The following ZNHIT6 variants were observed in gnomAD, a reference collection of about 807,000 sequenced individuals.
ZNHIT6 encodes the protein box C/D snoRNA protein 1.
Under a neutral mutation model 57.2 loss-of-function variants are expected in ZNHIT6, and 45 were observed. That is an observed-to-expected ratio of 0.79 (90% CI 0.62 to 1.01). ZNHIT6 has a LOEUF of 1.01. Ranked by LOEUF, ZNHIT6 falls within the 50% of genes least tolerant of loss-of-function variation. ZNHIT6 has a pLI of 0.00. For missense variants in ZNHIT6, 528 were observed against 567.3 expected, an observed-to-expected ratio of 0.93 and a Z score of 0.70; for synonymous variants, 188 against 190.0, an observed-to-expected ratio of 0.99 and a Z score of 0.09.
chr1:85,670,184 G>A (rs1661518483), intron 8 of ZNHIT6, among the ~76,000 whole-genome samples: 2 of 152,070 alleles, frequency 1.3e-5, no homozygotes, highest in Admixed American at 6.5e-5. Context: ...ACTACAGCCA[G>A]GAGGCCAAAT....
chr1:85,693,195 C>T (rs568920546), intron 5 of ZNHIT6, among the ~76,000 whole-genome samples: 48 of 152,242 alleles, frequency 3.2e-4, no homozygotes, highest in Non-Finnish European at 5.7e-4. Context: ...AAATTGGGTC[C>T]ATTTCTGAGG....
At chr1:85,667,961 A>ATATATATATATAT (rs1394453372) in intron 8 of ZNHIT6, among the ~76,000 whole-genome samples, 1 of 18,202 alleles carries the variant, frequency 5.5e-5, no homozygotes, top group Non-Finnish European at 9.9e-5. Context: ...AAAAAAAAAA[A>ATATATATATATAT]ATATATATAT....
At chr1:85,685,126 C>T (rs775177890) in intron 5 of ZNHIT6, among the ~76,000 whole-genome samples, 7 of 152,030 alleles carry the variant, frequency 4.6e-5, no homozygotes, top group Non-Finnish European at 8.8e-5. Context: ...TTCATAAAAG[C>T]TATAAATAAA....
chr1:85,691,235 T>A (rs535286503), intron 5 of ZNHIT6, among the ~76,000 whole-genome samples: 43 of 152,252 alleles, frequency 2.8e-4, no homozygotes, highest in Non-Finnish European at 5.3e-4. Flanking sequence ...TAAAATTTGT[T>A]ATGTTTAATA....
chr1:85,672,475 T>C (rs1661584241), intron 8 of ZNHIT6, among the ~76,000 whole-genome samples: 1 of 152,218 alleles, frequency 6.6e-6, no homozygotes, highest in South Asian at 2.1e-4. Context: ...TGACATACCA[T>C]GCCCTTGCAC....
At chr1:85,660,510 A>G (rs821390) in intron 8 of ZNHIT6, among the ~76,000 whole-genome samples, 129,258 of 152,122 alleles carry the variant, frequency 0.85, 55,262 homozygotes, top group East Asian at 0.95. Flanking sequence ...AGAGTTCTTC[A>G]AAGGCCACAT....
At chr1:85,680,743 T>A in intron 6 of ZNHIT6, 93 bp downstream of exon 6, 1 of 885,056 alleles carries the variant, frequency 1.1e-6, no homozygotes, top group Non-Finnish European at 1.8e-6. Context: ...AATTTAGTTA[T>A]CCATTCTACT....
Position 85,706,306 on chromosome 1 carries a change from G to C in ZNHIT6, c.772C>G (p.Arg258Gly). The C allele has an allele frequency of 6.2e-7, 1 of 1,613,306 alleles. No individual in the cohort carries two copies. Among genetic ancestry groups the C allele is most frequent in the East Asian group, 2.2e-5 (1 of 44,824 alleles). ...ATTGAAATGTATGCAGTTTTATCTCGAACTCCATTACATGTCAGTTCTGCT... is the reference window on the plus strand; with the variant it reads ...ATTGAAATGTATGCAGTTTTATCTCCAACTCCATTACATGTCAGTTCTGCT... ...HKAELTCNGV[R>G]DKTAYISIQQ... is the part of the protein sequence containing the mutation. Residue 258 changes from arginine to glycine, a missense_variant, in exon 3 of 10, where the codon CGA becomes GGA. Coordinates refer to ENST00000370574, the MANE Select transcript of ZNHIT6 (RefSeq NM_017953.4).
Position 85,683,407 on chromosome 1 carries a change from A to G in ZNHIT6, c.1020-2503T>C, listed in dbSNP as rs6576783. Among the ~76,000 whole-genome samples the G allele has an allele frequency of 8.7e-3, 1,322 of 152,104 alleles. 19 individuals carry two copies. The highest frequency in any genetic ancestry group is 0.03 in the African/African-American group (1,252 of 41,504). On this transcript the variant is annotated intron_variant, in intron 5 of 9. Coordinates refer to ENST00000370574, the MANE Select transcript of ZNHIT6 (RefSeq NM_017953.4). ...GTGGCATGTGCCTGTAGTCCCAGCT[A>G]CTCGGGAGGCCGAGGCAGGAGAATC...
rs1026179324 is a variant in ZNHIT6, at chr1:85,707,942, A to G, written c.343T>C (p.Leu115=). 6.2e-7 allele frequency: 1 copy of G among 1,613,570 alleles called. No individual in the cohort carries two copies. The highest frequency in any genetic ancestry group is 8.5e-7 in the Non-Finnish European group (1 of 1,179,918). ...CTATCCGTCTCCTGCTTCACCTCCA[A>G]TACGCCTGCGTTCTCATCCTTCACC... The part of the protein sequence containing the change: ...PEVKDENAGV[L]EVKQETDSSL... Residue 115 remains leucine, a synonymous_variant, in exon 1 of 10, where the codon TTG becomes CTG. Coordinates refer to ENST00000370574, the MANE Select transcript of ZNHIT6 (RefSeq NM_017953.4).
rs1455678259 is a variant in ZNHIT6, at chr1:85,654,056, G to A, written c.*2C>T. The A allele has an allele frequency of 6.2e-7, 1 of 1,611,414 alleles. No individual in the cohort carries two copies. The highest frequency in any genetic ancestry group is 8.5e-7 in the Non-Finnish European group (1 of 1,178,836). ...TTCACTTTCTTCTTCCAGAAAAAAT[G>A]CTCAATTTTCATTGCCAACGTTCTT... On this transcript the variant is annotated 3_prime_UTR_variant, in exon 10 of 10. Transcript: ENST00000370574.
chr1:85,702,085 T>C, intron 5 of ZNHIT6, 72 bp downstream of exon 5: 2 of 1,050,132 alleles, frequency 1.9e-6, no homozygotes, highest in Non-Finnish European at 2.8e-6. Context: ...CAATGCTCTA[T>C]AGCAACCAAA....
At chr1:85,693,703 CTA>C (rs1380692015) in intron 5 of ZNHIT6, among the ~76,000 whole-genome samples, 1 of 152,130 alleles carries the variant, frequency 6.6e-6, no homozygotes, top group Non-Finnish European at 1.5e-5. Flanking sequence ...AGAAGGAAGA[CTA>C]TGTATAAAAC....
chr1:85,708,208 G>A lies in ZNHIT6; in HGVS notation c.77C>T (p.Pro26Leu). 1 of 1,613,978 alleles carries A rather than the reference G, an allele frequency of 6.2e-7. No homozygotes were observed. Among genetic ancestry groups the A allele is most frequent in the Non-Finnish European group, 8.5e-7 (1 of 1,179,958 alleles). The change falls in exon 1 of 10, where the codon CCA becomes CTA. Residue 26 changes from proline (P) to leucine (L), a missense_variant. Physicochemically the swap from Pro to Leu is moderately conservative, Grantham distance 98 (BLOSUM62 -3). Coordinates refer to ENST00000370574, the MANE Select transcript of ZNHIT6 (RefSeq NM_017953.4). Reference protein sequence around the residue: ...HSVAEGVRLSPEPGREGVRDL... With the variant: ...HSVAEGVRLSLEPGREGVRDL... ...CCTTACTCCCTCCCTGCCAGGCTCT[G>A]GACTTAGCCGCACCCCCTCAGCTAC...
At chr1:85,672,896 A>C (rs1400836009) in intron 8 of ZNHIT6, among the ~76,000 whole-genome samples, 1 of 152,220 alleles carries the variant, frequency 6.6e-6, no homozygotes, top group Admixed American at 6.5e-5. Flanking sequence ...TAATTCCATA[A>C]AAGTAAAATC....
At chr1:85,702,844 G>A (rs1431503576) in intron 4 of ZNHIT6, among the ~76,000 whole-genome samples, 1 of 152,200 alleles carries the variant, frequency 6.6e-6, no homozygotes, top group Non-Finnish European at 1.5e-5. Context: ...CACCTGGGTT[G>A]ATTAAGCTAA....
intron 5 of ZNHIT6, among the ~76,000 whole-genome samples, chr1:85,698,481 A>G (rs537743966): frequency 4.6e-5 from 7 of 152,312 alleles, no homozygotes; most frequent in African/African-American, 1.7e-4. Flanking sequence ...TTTTTTTAAA[A>G]AAAATAAATG....
chr1:85,675,263 T>C (rs1406315061), intron 8 of ZNHIT6, among the ~76,000 whole-genome samples: 1 of 152,194 alleles, frequency 6.6e-6, no homozygotes, highest in Non-Finnish European at 1.5e-5. Flanking sequence ...AGAAGTATGC[T>C]TAAATGAAAC....
chr1:85,682,805 A>G (rs1437188656), intron 5 of ZNHIT6, among the ~76,000 whole-genome samples: 1 of 152,252 alleles, frequency 6.6e-6, no homozygotes, highest in African/African-American at 2.4e-5. Context: ...AAATTGCCGT[A>G]TTTTTGAGGT....
Sources: allele counts gnomAD v4.1 joint callset (sites outside exome capture counted in the v4.1 genomes callset), GRCh38; gene constraint gnomAD v4.1.1; transcripts MANE v1.5; gene names NCBI Gene and HGNC (gene_info 2026-07-23, HGNC 2026-07-21).